Variants in KANK1 observed in about 807,000 individuals in gnomAD.
KANK1 encodes KN motif and ankyrin repeat domains 1.
A neutral mutation model predicts 106.2 loss-of-function variants in KANK1; 109 were observed. That is an observed-to-expected ratio of 1.03 (90% CI 0.88 to 1.20). The LOEUF is 1.20. KANK1 is among the 50% of genes most tolerant of loss of function. The probability of loss-of-function intolerance (pLI) is 0.00; values close to 1 mark genes in which losing one functional copy is unlikely to be tolerated. For missense variants in KANK1, 2,399 were observed against 1,710.7 expected, an observed-to-expected ratio of 1.40 and a Z score of -7.10; for synonymous variants, 873 against 652.2, an observed-to-expected ratio of 1.34 and a Z score of -5.16.
rs144101356 is a variant in KANK1, at chr9:608,576, A to C, written c.-83-68314A>C. On this transcript the variant is annotated intron_variant, in intron 1 of 11. Coordinates refer to ENST00000382297, the MANE Select transcript of KANK1 (RefSeq NM_015158.5). ...ACTGTCAAGGTAGTTGAAGTTTACA[A>C]GAGTGGGCTCTCTCTCTAGTCACTT... Among the ~76,000 whole-genome samples the C allele has an allele frequency of 2.7e-3, 408 of 149,578 alleles. 15 individuals carry two copies. Among genetic ancestry groups the C allele is most frequent in the African/African-American group, 0.01 (397 of 38,920 alleles).
intron 2 of KANK1, among the ~76,000 whole-genome samples, chr9:685,226 A>G (rs1359984040): frequency 2.0e-5 from 3 of 152,212 alleles, no homozygotes; most frequent in East Asian, 1.9e-4. Context: ...CCATTTGTAC[A>G]TATAGCATTA....
chr9:573,685 G>A (rs1392815968), intron 1 of KANK1, among the ~76,000 whole-genome samples: 3 of 152,096 alleles, frequency 2.0e-5, no homozygotes, highest in African/African-American at 4.8e-5. Context: ...TAAAGAAAAT[G>A]TTAAAATGGT....
At chr9:541,833 T>C (rs1470430504) in intron 1 of KANK1, among the ~76,000 whole-genome samples, 2 of 152,116 alleles carry the variant, frequency 1.3e-5, no homozygotes, top group Non-Finnish European at 2.9e-5. Flanking sequence ...CTCACGCCTG[T>C]AATCCCAGCA....
intron 1 of KANK1, among the ~76,000 whole-genome samples, chr9:595,246 TCTACTTTTA>T (rs1186484163): frequency 7.2e-4 from 109 of 151,886 alleles, no homozygotes; most frequent in Non-Finnish European, 1.2e-3. Flanking sequence ...AGACCCTGTC[TCTACTTTTA>T]AAATGTGGTG....
At chr9:576,735 G>A (rs1820657083) in intron 1 of KANK1, among the ~76,000 whole-genome samples, 1 of 151,930 alleles carries the variant, frequency 6.6e-6, no homozygotes, top group Non-Finnish European at 1.5e-5. Context: ...TTTCAGGTTT[G>A]TGGGAGAGGA....
Position 705,205 on chromosome 9 carries a change from G to A in KANK1, c.38-5599G>A, listed in dbSNP as rs191226088. ...CAAAGTTTATTATCTTATTCTGTTG[G>A]CCAGGCACAGTGGCTCACAGCTGTA... is the stretch of plus-strand genomic sequence containing the variant. On this transcript the variant is annotated intron_variant, in intron 2 of 11. Transcript: ENST00000382297. 4.6e-5 allele frequency among the ~76,000 whole-genome samples: 7 copies of A among 152,174 alleles called. No homozygotes were observed. In the East Asian group the frequency reaches 7.7e-4, roughly 17 times the overall value.
chr9:696,183 C>T (rs1019674593), intron 2 of KANK1, among the ~76,000 whole-genome samples: 13 of 151,806 alleles, frequency 8.6e-5, no homozygotes, highest in African/African-American at 3.2e-4. Flanking sequence ...ACTCGGGAGG[C>T]TGAGGCAGGA....
Position 711,285 on chromosome 9 carries a change from G to A in KANK1, c.519G>A (p.Gln173=), listed in dbSNP as rs1463101616. 3.1e-6 allele frequency: 5 copies of A among 1,614,188 alleles called. No individual in the cohort carries two copies. The highest frequency in any genetic ancestry group is 4.2e-6 in the Non-Finnish European group (5 of 1,180,044). ...RRLEQERATM[Q]MTPGEFRRPR... ...TGGAACAGGAGAGAGCCACCATGCA[G>A]ATGACACCGGGTGAGTTCAGAAGGC... Residue 173 remains glutamine (Q), a synonymous_variant, in exon 3 of 12, where the codon CAG becomes CAA. Coordinates refer to ENST00000382297, the MANE Select transcript of KANK1 (RefSeq NM_015158.5).
At chr9:596,872 C>T (rs1042393912) in intron 1 of KANK1, among the ~76,000 whole-genome samples, 2 of 151,786 alleles carry the variant, frequency 1.3e-5, no homozygotes, top group African/African-American at 4.9e-5. Context: ...CAAAAGAAAA[C>T]CCCGTACCCA....
At chr9:573,492 G>A (rs1165251985) in intron 1 of KANK1, among the ~76,000 whole-genome samples, 1 of 151,954 alleles carries the variant, frequency 6.6e-6, no homozygotes, top group African/African-American at 2.4e-5. Flanking sequence ...GGATGGTCTC[G>A]ATCTCTTGAC....
At position 712,181 on chromosome 9, in the gene KANK1, T is replaced by C; in HGVS notation, c.1415T>C (p.Leu472Pro). 1.2e-6 allele frequency: 2 copies of C among 1,614,134 alleles called. No homozygotes were observed. Among genetic ancestry groups the C allele is most frequent in the South Asian group, 2.2e-5 (2 of 91,084 alleles). ...IESLKEKIYRLEVQLRETTHD... is the reference protein window; with the variant it reads ...IESLKEKIYRPEVQLRETTHD... The stretch of plus-strand genomic sequence containing the variant: ...TCCTTGAAGGAAAAGATCTATCGCC[T>C]AGAAGTACAGCTTAGAGAAACCACC... Residue 472 changes from leucine (L) to proline (P), a missense_variant, in exon 3 of 12, where the codon CTA becomes CCA. Transcript: ENST00000382297.
chr9:740,383 C>T (rs1008985179), intron 8 of KANK1, among the ~76,000 whole-genome samples: 15 of 152,268 alleles, frequency 9.9e-5, no homozygotes, highest in Non-Finnish European at 1.3e-4. Flanking sequence ...ACGTTCCATA[C>T]GTAAGCGTTT....
At chr9:566,940 G>A (rs1326533353) in intron 1 of KANK1, among the ~76,000 whole-genome samples, 1 of 152,088 alleles carries the variant, frequency 6.6e-6, no homozygotes, top group Non-Finnish European at 1.5e-5. Flanking sequence ...CCTATGTCCG[G>A]AATGGTATTG....
intron 1 of KANK1, among the ~76,000 whole-genome samples, chr9:588,498 G>T (rs987286045): frequency 2.6e-5 from 4 of 152,020 alleles, no homozygotes; most frequent in Non-Finnish European, 5.9e-5. Context: ...TTCTCGAAAG[G>T]CCACACCAGT....
At chr9:704,861 A>G (rs977367920) in intron 2 of KANK1, among the ~76,000 whole-genome samples, 3 of 151,752 alleles carry the variant, frequency 2.0e-5, no homozygotes, top group Non-Finnish European at 4.4e-5. Context: ...GCGTGGTGCT[A>G]CATACCTATA....
At chr9:599,075 A>G (rs1230486235) in intron 1 of KANK1, among the ~76,000 whole-genome samples, 5 of 146,440 alleles carry the variant, frequency 3.4e-5, no homozygotes, top group South Asian at 2.2e-4. Context: ...CTGGAGTGCA[A>G]TGGTGCGATC....
chr9:617,430 A>G (rs1279893898), intron 1 of KANK1, among the ~76,000 whole-genome samples: 4 of 152,160 alleles, frequency 2.6e-5, no homozygotes, highest in Non-Finnish European at 5.9e-5. Context: ...ATGTTAGCTC[A>G]TGTTCACACG....
At chr9:553,968 C>G (rs530355454) in intron 1 of KANK1, among the ~76,000 whole-genome samples, 31 of 152,328 alleles carry the variant, frequency 2.0e-4, no homozygotes, top group Admixed American at 6.5e-4. Context: ...ACACAGATAG[C>G]TGGGCTCCAA....
At chr9:503,996 G>T (rs1394386014), upstream of KANK1, among the ~76,000 whole-genome samples, 1 of 152,178 alleles carries the variant, frequency 6.6e-6, no homozygotes, top group East Asian at 1.9e-4. Flanking sequence ...CGAATGCACG[G>T]AGGTCACAAG....
Sources: allele counts gnomAD v4.1 joint callset (sites outside exome capture counted in the v4.1 genomes callset), GRCh38; gene constraint gnomAD v4.1.1; transcripts MANE v1.5; gene names NCBI Gene and HGNC (gene_info 2026-07-23, HGNC 2026-07-21).